PROM1: variants seen among roughly 807,000 people sequenced by gnomAD.
PROM1 encodes the protein prominin 1, also known as prominin-1.
Under a neutral mutation model 116.9 loss-of-function variants are expected in PROM1, and 105 were observed. That is an observed-to-expected ratio of 0.90 (90% confidence interval 0.77 to 1.06). The LOEUF is 1.06. PROM1 is among the 50% of genes least tolerant of loss of function. The probability of loss-of-function intolerance (pLI) is 0.00; values close to 1 mark genes in which losing one functional copy is unlikely to be tolerated. For synonymous variants in PROM1, 393 were observed against 387.0 expected (o/e 1.02, Z -0.18); for missense variants, 1,122 against 1,045.2 (o/e 1.07, Z -1.01).
intron 2 of PROM1, among the ~76,000 whole-genome samples, chr4:16,048,696 T>C (rs1737121520): frequency 6.6e-6 from 1 of 152,104 alleles, no homozygotes; most frequent in African/African-American, 2.4e-5. Flanking sequence ...TGGCTTTTAC[T>C]AGAATTAATG....
chr4:15,974,138 C>CTCTCTG (rs1715467028), intron 26 of PROM1, among the ~76,000 whole-genome samples: 1 of 151,770 alleles, frequency 6.6e-6, no homozygotes, highest in South Asian at 2.1e-4. Context: ...CTCTCTCTCT[C>CTCTCTG]TCTCTAAAGA....
intron 2 of PROM1, among the ~76,000 whole-genome samples, chr4:16,042,342 G>A (rs1459239587): frequency 6.6e-6 from 1 of 152,136 alleles, no homozygotes; most frequent in Non-Finnish European, 1.5e-5. Flanking sequence ...TCCACATTTG[G>A]GAGATGTGCA....
At chr4:16,077,424 T>G (rs1327742515) in intron 1 of PROM1, among the ~76,000 whole-genome samples, 1 of 152,058 alleles carries the variant, frequency 6.6e-6, no homozygotes, top group African/African-American at 2.4e-5. Context: ...CCCTGCCACA[T>G]CCCCCTCTCT....
chr4:16,012,498 C>T (rs962386527), intron 11 of PROM1, among the ~76,000 whole-genome samples: 6 of 152,200 alleles, frequency 3.9e-5, no homozygotes, highest in African/African-American at 1.4e-4. Context: ...GCCTAAAATA[C>T]TACTGCCTCA....
At chr4:16,001,208 C>T (rs751991835) in intron 13 of PROM1, among the ~76,000 whole-genome samples, 13 of 151,986 alleles carry the variant, frequency 8.6e-5, no homozygotes, top group South Asian at 2.1e-4. Flanking sequence ...ACTCGGAAAG[C>T]GCTGAACACG....
chr4:15,993,140 C>G (rs1489544880), intron 16 of PROM1, among the ~76,000 whole-genome samples: 3 of 152,224 alleles, frequency 2.0e-5, no homozygotes, highest in African/African-American at 7.2e-5. Context: ...CTTTCAAACA[C>G]AGCTTTTCAC....
intron 23 of PROM1, 82 bp from the exon 24 acceptor site, chr4:15,980,619 T>C: frequency 2.2e-6 from 2 of 916,496 alleles, no homozygotes; most frequent in Non-Finnish European, 3.3e-6. Context: ...TTTTTTTTTT[T>C]TTTTTTTTTT....
At position 16,018,515 on chromosome 4, in the gene PROM1, C is replaced by T. The variant is rs746480069; in HGVS notation, c.810G>A (p.Leu270=). The change falls in exon 9 of 28, where the codon TTG becomes TTA. Residue 270 remains leucine, a synonymous_variant. Transcript: ENST00000447510. ...TCTTCAAGGTGCTGTTCATGTTCTC[C>T]AACGCCTCTTTGGTCTCCTTGATCG... ...ATAIKETKEA[L]ENMNSTLKSL... is the part of the protein sequence containing the mutation. 1 of 1,610,834 alleles carries T rather than the reference C, an allele frequency of 6.2e-7. No homozygotes were observed. Among genetic ancestry groups the T allele is most frequent in the Non-Finnish European group, 8.5e-7 (1 of 1,179,068 alleles).
chr4:16,046,130 G>A (rs1254547150), intron 2 of PROM1, among the ~76,000 whole-genome samples: 3 of 152,218 alleles, frequency 2.0e-5, no homozygotes, highest in East Asian at 3.8e-4. Flanking sequence ...GAGTACAAAT[G>A]GCTGGTAAAA....
intron 10 of PROM1, 103 bp downstream of exon 10, chr4:16,016,063 T>C (rs1196170467): frequency 1.9e-6 from 2 of 1,052,252 alleles, no homozygotes; most frequent in Non-Finnish European, 2.8e-6. Flanking sequence ...GCAACCTTTC[T>C]CTAGAATTTC....
chr4:16,031,912 T>A (rs1732783039), intron 5 of PROM1, among the ~76,000 whole-genome samples: 1 of 152,180 alleles, frequency 6.6e-6, no homozygotes, highest in South Asian at 2.1e-4. Flanking sequence ...TTGTGAAGAT[T>A]TTTTTTGTCA....
At chr4:16,080,325 C>A (rs2149610183) in intron 1 of PROM1, among the ~76,000 whole-genome samples, 1 of 151,906 alleles carries the variant, frequency 6.6e-6, no homozygotes, top group East Asian at 1.9e-4. Context: ...TCGAGACCAT[C>A]CTGGCTAACA....
At chr4:16,007,377 C>A (rs1237369700) in intron 12 of PROM1, among the ~76,000 whole-genome samples, 1 of 152,240 alleles carries the variant, frequency 6.6e-6, no homozygotes, top group Non-Finnish European at 1.5e-5. Context: ...GGGAGAACAA[C>A]CTTTCCCGGC....
At chr4:16,078,695 G>T in intron 1 of PROM1, among the ~76,000 whole-genome samples, 1 of 152,198 alleles carries the variant, frequency 6.6e-6, no homozygotes, top group East Asian at 1.9e-4. Context: ...AGGGAAGGGG[G>T]ATGATGAAGA....
chr4:16,023,637 T>C (rs1202717457), intron 7 of PROM1, among the ~76,000 whole-genome samples: 6 of 152,166 alleles, frequency 3.9e-5, no homozygotes, highest in Non-Finnish European at 5.9e-5. Flanking sequence ...ACCAGGAGCA[T>C]GGTGTTATCA....
intron 2 of PROM1, among the ~76,000 whole-genome samples, chr4:16,060,031 CAT>C (rs1206867928): frequency 2.0e-5 from 3 of 152,132 alleles, no homozygotes; most frequent in African/African-American, 7.2e-5. Context: ...ACCATATACA[CAT>C]GTTGGCTTCT....
intron 8 of PROM1, among the ~76,000 whole-genome samples, chr4:16,020,936 A>C (rs1010612276): frequency 1.3e-5 from 2 of 152,158 alleles, no homozygotes; most frequent in Non-Finnish European, 2.9e-5. Context: ...AAAGATATCT[A>C]AGGTTCTTAA....
At chr4:16,033,586 CTTTTTTTTTTT>C (rs60492380) in intron 4 of PROM1, 77 bp from the exon 5 acceptor site, 4 of 270,272 alleles carry the variant, frequency 1.5e-5, no homozygotes, top group Non-Finnish European at 2.4e-5. Context: ...GTACAAAGTT[CTTTTTTTTTTT>C]TTTTTTTTTT....
At chr4:16,044,779 G>A (rs1472417262) in intron 2 of PROM1, among the ~76,000 whole-genome samples, 1 of 152,128 alleles carries the variant, frequency 6.6e-6, no homozygotes, top group African/African-American at 2.4e-5. Context: ...ACTTTCTGCA[G>A]GCACTTCCAA....
Sources: gnomAD v4.1 joint callset for allele counts (sites outside exome capture counted in the v4.1 genomes callset) on GRCh38, gnomAD v4.1.1 for gene constraint, MANE v1.5 for transcripts, NCBI Gene and HGNC (gene_info 2026-07-23, HGNC 2026-07-21) for gene names.